The following LGMN variants were observed in gnomAD, a reference collection of about 807,000 sequenced individuals.
The protein encoded by LGMN is asparaginyl endopeptidase.
A neutral mutation model predicts 56.8 loss-of-function variants in LGMN; 36 were observed. That is an observed-to-expected ratio of 0.63 (90% CI 0.49 to 0.84). LGMN has a LOEUF of 0.84. LGMN is among the 40% of genes least tolerant of loss of function. LGMN has a pLI of 0.00. For synonymous variants in LGMN, 199 were observed against 210.1 expected, an observed-to-expected ratio of 0.95 and a Z score of 0.46; for missense variants, 446 against 556.1, an observed-to-expected ratio of 0.80 and a Z score of 1.99.
In LGMN at chr14:92,746,806, G is replaced by C. The variant is rs546290208; in HGVS notation, c.-30+1683C>G. Among the ~76,000 whole-genome samples the C allele has an allele frequency of 7.9e-5, 12 of 152,244 alleles. No individual in the cohort carries two copies. The South Asian group carries it at 1.9e-3, about 24-fold the overall frequency. ...AATCTCAGCACTTTGGGAGGCCGAG[G>C]GGGGTGGATCATGAGGTCAGCAGAT... is the stretch of plus-strand genomic sequence containing the variant. On this transcript the variant is annotated intron_variant, in intron 1 of 13. Coordinates refer to ENST00000334869, the MANE Select transcript of LGMN (RefSeq NM_005606.7).
intron 1 of LGMN, among the ~76,000 whole-genome samples, chr14:92,735,625 C>T (rs767379089): frequency 6.6e-6 from 1 of 152,182 alleles, no homozygotes; most frequent in Non-Finnish European, 1.5e-5. Context: ...CTCAACCCAG[C>T]ATCCTGGTCA....
intron 2 of LGMN, 22 bp downstream of exon 2, chr14:92,732,627 A>G: frequency 6.2e-7 from 1 of 1,611,660 alleles, no homozygotes; most frequent in Non-Finnish European, 8.5e-7. Flanking sequence ...CTTAACAAAA[A>G]AAAGATTAGT....
chr14:92,719,326 A>ACCGCCGCCACCG (rs1187451751), intron 2 of LGMN, among the ~76,000 whole-genome samples: 1 of 80,018 alleles, frequency 1.2e-5, no homozygotes, highest in African/African-American at 6.4e-5. Flanking sequence ...CGCCGCCGCC[A>ACCGCCGCCACCG]CCGCCACCGC....
At chr14:92,716,526 T>C (rs555867615) in intron 4 of LGMN, among the ~76,000 whole-genome samples, 207 of 152,194 alleles carry the variant, frequency 1.4e-3, no homozygotes, top group African/African-American at 4.8e-3. Context: ...CCAGCTACTA[T>C]GGAGGCTGAG....
chr14:92,725,798 C>T (rs543847996), intron 2 of LGMN, among the ~76,000 whole-genome samples: 18 of 152,094 alleles, frequency 1.2e-4, no homozygotes, highest in Admixed American at 2.0e-4. Flanking sequence ...TGGTCTCAAA[C>T]TCCTGACCTC....
chr14:92,706,573 C>T lies in LGMN; in HGVS notation c.1101G>A (p.Leu367=), dbSNP rs1889440049. 1 of 1,605,272 alleles carries T rather than the reference C, an allele frequency of 6.2e-7. No homozygotes were observed. Among genetic ancestry groups the T allele is most frequent in the Non-Finnish European group, 8.5e-7 (1 of 1,172,850 alleles). The change falls in exon 12 of 14, where the codon CTG becomes CTA. Residue 367 remains leucine (L), a synonymous_variant. Transcript: ENST00000334869. ...AASEAEVEQL[L]SERAPLTGHS... The stretch of plus-strand genomic sequence containing the variant: ...GCCCCGTGAGCGGGGCTCTCTCGGA[C>T]AGGAGCTGCTCCACCTCAGCCTCGG...
chr14:92,744,594 GTTTT>G (rs1157955787), intron 1 of LGMN, among the ~76,000 whole-genome samples: 2 of 128,232 alleles, frequency 1.6e-5, no homozygotes. Context: ...TTATCCTTTA[GTTTT>G]TTTTTTTTTT....
At chr14:92,733,194 G>GA (rs1891143093) in intron 1 of LGMN, among the ~76,000 whole-genome samples, 2 of 148,166 alleles carry the variant, frequency 1.3e-5, no homozygotes, top group African/African-American at 5.0e-5. Context: ...CAGCCCCTAA[G>GA]AAAATATCAT....
intron 2 of LGMN, among the ~76,000 whole-genome samples, chr14:92,722,200 G>A (rs1024412908): frequency 6.6e-6 from 1 of 151,706 alleles, no homozygotes; most frequent in Non-Finnish European, 1.5e-5. Context: ...CAAGGTGCAA[G>A]GTACACAGGT....
At chr14:92,747,490 A>AAAAAC (rs898429654) in intron 1 of LGMN, among the ~76,000 whole-genome samples, 1 of 152,206 alleles carries the variant, frequency 6.6e-6, no homozygotes, top group African/African-American at 2.4e-5. Flanking sequence ...ACTCCGTCTC[A>AAAAAC]AAAACAAAAC....
intron 2 of LGMN, among the ~76,000 whole-genome samples, chr14:92,725,940 G>C (rs767475672): frequency 1.3e-5 from 2 of 151,918 alleles, no homozygotes; most frequent in African/African-American, 4.8e-5. Context: ...AACACCATAA[G>C]TTATGAGCTC....
intron 13 of LGMN, 102 bp downstream of exon 13, chr14:92,704,538 C>A (rs1889325291): frequency 8.8e-7 from 1 of 1,141,000 alleles, no homozygotes. Context: ...CTGGAGGGAG[C>A]TCCTGGCAGA....
At chr14:92,730,560 G>C (rs1478737649) in intron 2 of LGMN, among the ~76,000 whole-genome samples, 1 of 152,094 alleles carries the variant, frequency 6.6e-6, no homozygotes, top group East Asian at 1.9e-4. Flanking sequence ...CAGAGTAGCT[G>C]GGACTACAAG....
At chr14:92,713,769 A>G in intron 7 of LGMN, 54 bp downstream of exon 7, 2 of 1,270,298 alleles carry the variant, frequency 1.6e-6, no homozygotes, top group Non-Finnish European at 2.3e-6. Context: ...CTCTGCACTC[A>G]CGGCTTTCCT....
chr14:92,709,529 C>T (rs1216816344), intron 11 of LGMN, 143 bp downstream of exon 11: 15 of 709,508 alleles, frequency 2.1e-5, no homozygotes, highest in African/African-American at 3.5e-5. Context: ...CACCCGCTTC[C>T]GTTACATGGA....
Position 92,712,891 on chromosome 14 carries a change from G to A in LGMN, c.544-20C>T, listed in dbSNP as rs777047016. 6.2e-7 allele frequency: 1 copy of A among 1,611,624 alleles called. No individual in the cohort carries two copies. The highest frequency in any genetic ancestry group is 1.7e-5 in the Admixed American group (1 of 59,846). On this transcript the variant is annotated intron_variant, in intron 7 of 13. Coordinates refer to ENST00000334869, the MANE Select transcript of LGMN (RefSeq NM_005606.7). Reference sequence around the variant, plus strand: ...CACCATCTGTGAGGCAGACGGGGCAGGTGAGCTCACCCCATCCAGGTACGG... The same window carrying A: ...CACCATCTGTGAGGCAGACGGGGCAAGTGAGCTCACCCCATCCAGGTACGG...
intron 2 of LGMN, among the ~76,000 whole-genome samples, chr14:92,719,200 A>ACAT (rs1566923836): frequency 8.5e-6 from 1 of 118,062 alleles, no homozygotes; most frequent in African/African-American, 3.8e-5. Flanking sequence ...CACCGCCACC[A>ACAT]ACACCACCAC....
At chr14:92,727,085 TGAG>T (rs1324304198) in intron 2 of LGMN, among the ~76,000 whole-genome samples, 1 of 152,062 alleles carries the variant, frequency 6.6e-6, no homozygotes, top group East Asian at 1.9e-4. Flanking sequence ...TTCGTGACTA[TGAG>T]GAGAGTGTAT....
chr14:92,737,771 G>A (rs746647355), intron 1 of LGMN, among the ~76,000 whole-genome samples: 26 of 152,200 alleles, frequency 1.7e-4, no homozygotes, highest in Non-Finnish European at 2.9e-4. Context: ...TACAGCCAGA[G>A]ACAATATATA....
Sources: allele counts gnomAD v4.1 joint callset (sites outside exome capture counted in the v4.1 genomes callset), GRCh38; gene constraint gnomAD v4.1.1; transcripts MANE v1.5; gene names NCBI Gene and HGNC (gene_info 2026-07-23, HGNC 2026-07-21).